Variants in ATP9B observed in about 807,000 individuals in gnomAD.
ATP9B encodes ATPase phospholipid transporting 9B.
A neutral mutation model predicts 146.1 loss-of-function variants in ATP9B; 110 were observed. The observed-to-expected ratio is 0.75, with a 90% CI of 0.65 to 0.88. The LOEUF (loss-of-function observed/expected upper bound fraction) is 0.88, where lower values mean the gene tolerates loss of function less well. Ranked by LOEUF, ATP9B falls within the 40% of genes least tolerant of loss-of-function variation. The pLI is 0.00. For missense variants in ATP9B, 1,499 were observed against 1,496.4 expected (o/e 1.00, Z -0.03); for synonymous variants, 604 against 569.7 (o/e 1.06, Z -0.86).
At chr18:79,235,069 C>T (rs1183595063) in intron 11 of ATP9B, among the ~76,000 whole-genome samples, 1 of 152,080 alleles carries the variant, frequency 6.6e-6, no homozygotes, top group African/African-American at 2.4e-5. Flanking sequence ...GATGGGGTTT[C>T]ACCATATTGG....
chr18:79,072,927 A>T (rs1035412845), intron 1 of ATP9B, among the ~76,000 whole-genome samples: 2 of 150,692 alleles, frequency 1.3e-5, no homozygotes, highest in Non-Finnish European at 3.0e-5. Context: ...GCGGCCGGGC[A>T]GAGGCGCTCG....
intron 8 of ATP9B, among the ~76,000 whole-genome samples, chr18:79,185,060 G>C (rs550426285): frequency 8.5e-5 from 13 of 152,120 alleles, no homozygotes; most frequent in African/African-American, 3.1e-4. Flanking sequence ...CTGTACAAGC[G>C]ATCAGCAGGT....
chr18:79,281,315 G>A (rs1428620990), intron 13 of ATP9B, among the ~76,000 whole-genome samples: 1 of 151,980 alleles, frequency 6.6e-6, no homozygotes, highest in African/African-American at 2.4e-5. Context: ...TGACCAACAT[G>A]GAGAAAACCT....
intron 15 of ATP9B, among the ~76,000 whole-genome samples, chr18:79,325,281 C>T (rs2096738022): frequency 6.6e-6 from 1 of 152,242 alleles, no homozygotes; most frequent in South Asian, 2.1e-4. Context: ...TCTCCCATCT[C>T]TTATGCCTTT....
Position 79,176,828 on chromosome 18 carries a change from G to C in ATP9B, c.794G>C (p.Arg265Pro). 1.2e-6 allele frequency: 2 copies of C among 1,613,816 alleles called. No homozygotes were observed. The highest frequency in any genetic ancestry group is 4.5e-5 in the East Asian group (2 of 44,864). ...TACTTCCAAGGTTCGTGTTTTATTCGAACTGATCAACTAGATGGTGAAACT... is the reference window on the plus strand; with the variant it reads ...TACTTCCAAGGTTCGTGTTTTATTCCAACTGATCAACTAGATGGTGAAACT... The part of the protein sequence containing the change: ...TSEKAGSCFI[R>P]TDQLDGETDW... Residue 265 changes from arginine (R) to proline (P), a missense_variant, in exon 8 of 30, where the codon CGA becomes CCA. Arg to Pro is a moderately radical substitution (Grantham distance 103). Coordinates refer to ENST00000426216, the MANE Select transcript of ATP9B (RefSeq NM_198531.5).
In ATP9B at chr18:79,141,645, G is replaced by A. The variant is rs376222830; in HGVS notation, c.668-2157G>A. On this transcript the variant is annotated intron_variant, in intron 5 of 29. Coordinates refer to ENST00000426216, the MANE Select transcript of ATP9B (RefSeq NM_198531.5). ...CATTTCCTAAACACTTTGTGTCGTC[G>A]ATTGCTCTGTAAGATTATTGAGGCC... 1.3e-4 allele frequency among the ~76,000 whole-genome samples: 20 copies of A among 152,230 alleles called. No individual in the cohort carries two copies. In the East Asian group the frequency reaches 2.7e-3, roughly 21 times the overall value.
intron 1 of ATP9B, among the ~76,000 whole-genome samples, chr18:79,071,596 A>T (rs891140133): frequency 6.6e-6 from 1 of 151,510 alleles, no homozygotes; most frequent in Non-Finnish European, 1.5e-5. Flanking sequence ...ATATTGCCCA[A>T]CTGGTCTCAA....
chr18:79,071,049 C>CTTTTTTTTTT (rs746689031), intron 1 of ATP9B, among the ~76,000 whole-genome samples: 54 of 112,272 alleles, frequency 4.8e-4, no homozygotes, highest in East Asian at 2.4e-3. Context: ...ATTCCTGTTT[C>CTTTTTTTTTT]TTTTTTTTTT....
At chr18:79,126,226 TAAAG>T (rs1488984697) in intron 4 of ATP9B, 37 bp from the exon 5 acceptor site, 2 of 1,509,218 alleles carry the variant, frequency 1.3e-6, no homozygotes, top group Admixed American at 1.9e-5. Context: ...TCTTTTTTGT[TAAAG>T]TTTAGTTTTC....
chr18:79,297,244 A>G (rs1314149441), intron 13 of ATP9B, among the ~76,000 whole-genome samples: 4 of 146,490 alleles, frequency 2.7e-5, no homozygotes, highest in African/African-American at 1.0e-4. Context: ...CAGAGAGGAG[A>G]CGCAGACGAC....
intron 13 of ATP9B, among the ~76,000 whole-genome samples, chr18:79,277,745 A>C (rs1568558284): frequency 6.6e-6 from 1 of 152,208 alleles, no homozygotes; most frequent in Non-Finnish European, 1.5e-5. Context: ...GTAACAGATT[A>C]AAGACAAACA....
chr18:79,199,623 C>T (rs763110301), intron 9 of ATP9B, among the ~76,000 whole-genome samples: 29 of 151,952 alleles, frequency 1.9e-4, no homozygotes, highest in Admixed American at 3.9e-4. Context: ...ATTAGCTGGG[C>T]GTGGTGGCAC....
intron 13 of ATP9B, among the ~76,000 whole-genome samples, chr18:79,300,335 GC>G (rs1568615068): frequency 6.6e-6 from 1 of 152,158 alleles, no homozygotes. Context: ...TCACCTGGGT[GC>G]CCTCGTGTCA....
intron 5 of ATP9B, among the ~76,000 whole-genome samples, chr18:79,143,193 C>G (rs1358165427): frequency 2.0e-5 from 3 of 152,130 alleles, no homozygotes; most frequent in African/African-American, 7.2e-5. Context: ...TACTCTACAT[C>G]ATATTATACA....
intron 11 of ATP9B, among the ~76,000 whole-genome samples, chr18:79,244,655 G>A (rs900375168): frequency 1.3e-5 from 2 of 152,086 alleles, no homozygotes; most frequent in African/African-American, 4.8e-5. Context: ...ATATTTAAAA[G>A]TATATTTTAA....
At chr18:79,320,330 G>A (rs2146869481) in intron 15 of ATP9B, among the ~76,000 whole-genome samples, 1 of 152,282 alleles carries the variant, frequency 6.6e-6, no homozygotes, top group South Asian at 2.1e-4. Context: ...GCCAGGGGAA[G>A]GGGAGGGGCA....
chr18:79,174,003 A>T (rs940271853), intron 7 of ATP9B, among the ~76,000 whole-genome samples: 51 of 152,296 alleles, frequency 3.3e-4, no homozygotes, highest in Non-Finnish European at 6.0e-4. Context: ...GGAAATCACC[A>T]CTGTCCTTTC....
intron 5 of ATP9B, among the ~76,000 whole-genome samples, chr18:79,128,282 A>C (rs569886491): frequency 3.7e-4 from 55 of 150,152 alleles, no homozygotes; most frequent in African/African-American, 1.3e-3. Flanking sequence ...CTGGTCTTGA[A>C]CTCCTGACCT....
At chr18:79,189,995 A>G (rs992583645) in intron 8 of ATP9B, among the ~76,000 whole-genome samples, 2 of 152,346 alleles carry the variant, frequency 1.3e-5, no homozygotes, top group African/African-American at 2.4e-5. Context: ...CACAGAGGTC[A>G]GTGGTGCCGC....
Sources: allele counts gnomAD v4.1 joint callset (sites outside exome capture counted in the v4.1 genomes callset), GRCh38; gene constraint gnomAD v4.1.1; transcripts MANE v1.5; gene names NCBI Gene and HGNC (gene_info 2026-07-23, HGNC 2026-07-21).